The following PSMD2 variants were observed in gnomAD, a reference collection of about 807,000 sequenced individuals.
The protein encoded by PSMD2 is proteasome 26S subunit ubiquitin receptor, non-ATPase 2.
PSMD2 carries 8 observed loss-of-function variants against 101.5 expected under a neutral mutation model. The ratio of observed to expected loss-of-function variants is 0.08; its 90% CI spans 0.05 to 0.14. The LOEUF (loss-of-function observed/expected upper bound fraction) is 0.14, where lower values mean the gene tolerates loss of function less well. PSMD2 is among the 10% of genes least tolerant of loss of function. PSMD2 has a pLI of 1.00. For missense variants in PSMD2, 784 were observed against 1,147.4 expected (o/e 0.68, Z 4.58); for synonymous variants, 418 against 433.8 (o/e 0.96, Z 0.45).
rs1445231883 is a variant in PSMD2 at position 184,301,588 on chromosome 3, C to T, written c.409C>T (p.Arg137Cys). The T allele has an allele frequency of 3.1e-6, 5 of 1,613,878 alleles. No homozygotes were observed. Among genetic ancestry groups the T allele is most frequent in the Middle Eastern group, 1.6e-4 (1 of 6,070 alleles). The change falls in exon 4 of 21, where the codon CGT becomes TGT. Residue 137 changes from arginine (R) to cysteine (C), a missense_variant. By Grantham distance (180) the Arg-to-Cys change is radical (BLOSUM62 -3). This residue lies in a region of PSMD2 where 208 missense variants were observed against 301.6 expected (regional missense o/e 0.69). Transcript: ENST00000310118. The part of the protein sequence containing the change: ...SVLAMTMSGE[R>C]ECLKYRLVGS... ...TTTGGCCATGACCATGAGTGGGGAG[C>T]GTGAGTGCCTCAAGTATCGGCTAGT... is the stretch of plus-strand genomic sequence containing the variant.
chr3:184,301,725 G>C lies in PSMD2; in HGVS notation c.479+67G>C, dbSNP rs566713540. On this transcript the variant is annotated intron_variant, in intron 4 of 20. Transcript: ENST00000310118. Reference sequence around the variant, plus strand: ...CTCTGAGATAATTCAGAATTTTCTTGTGGAGTACAATCTGTCTTGGAGCAT... The same window carrying C: ...CTCTGAGATAATTCAGAATTTTCTTCTGGAGTACAATCTGTCTTGGAGCAT... 12 of 1,610,306 alleles carry C rather than the reference G, an allele frequency of 7.5e-6. No individual in the cohort carries two copies. The African/African-American group carries it at 1.5e-4, about 20-fold the overall frequency.
At position 184,307,901 on chromosome 3, in the gene PSMD2, T is replaced by C. The variant is rs149649964; in HGVS notation, c.2310T>C (p.His770=). 30 of 1,614,054 alleles carry C rather than the reference T, an allele frequency of 1.9e-5. No individual in the cohort carries two copies. In the Admixed American group the frequency reaches 3.3e-4, roughly 18 times the overall value. ...TCTGTTTTTTTCAGGGCCTGACACATTTAGGGAAGGGCACCCTTACCCTCT... is the reference window on the plus strand; with the variant it reads ...TCTGTTTTTTTCAGGGCCTGACACACTTAGGGAAGGGCACCCTTACCCTCT... ...FMVRLAQGLT[H]LGKGTLTLCP... Residue 770 remains histidine, a synonymous_variant, in exon 19 of 21, where the codon CAT becomes CAC. Transcript: ENST00000310118.
Position 184,299,372 on chromosome 3 carries a change from G to A in PSMD2, c.106G>A (p.Ala36Thr). The change falls in exon 1 of 21, where the codon GCC becomes ACC. Residue 36 changes from alanine (A) to threonine (T), a missense_variant. Around this residue, in one of 6 missense-constraint regions of PSMD2, gnomAD observed 196 missense variants for 182.4 expected, o/e 1.07. Transcript: ENST00000310118. ...EKPSGKERRD[A>T]GDKDKEQELS... The stretch of plus-strand genomic sequence containing the variant: ...GCCGAGCGGCAAGGAGCGGCGGGAT[G>A]CCGGGGACAAGGACAAAGAACAGGA... 1 of 1,403,346 alleles carries A rather than the reference G, an allele frequency of 7.1e-7. No individual in the cohort carries two copies. Among genetic ancestry groups the A allele is most frequent in the Non-Finnish European group, 9.2e-7 (1 of 1,081,950 alleles). The allele number at this position is 1,403,346 out of a possible 1,614,324, so 86.9% of individuals were successfully genotyped here. A position where few individuals can be genotyped will look rare whatever the true frequency, so the allele number is the denominator to read the frequency against.
In PSMD2 at chr3:184,302,538, G is replaced by A. The variant is rs552174959; in HGVS notation, c.863+10G>A. On this transcript the variant is annotated intron_variant, in intron 6 of 20. Transcript: ENST00000310118. ...CCTCCTGCAAGGATGTGTATGTAGG[G>A]AAGAAGCTGGCAAAGAGATAAGCTT... 5.0e-6 allele frequency: 8 copies of A among 1,613,634 alleles called. No individual in the cohort carries two copies. Among genetic ancestry groups the A allele is most frequent in the African/African-American group, 4.0e-5 (3 of 75,024 alleles).
chr3:184,302,505 C>A lies in PSMD2; in HGVS notation c.840C>A (p.Asp280Glu), dbSNP rs1006449808. The A allele has an allele frequency of 1.2e-6, 2 of 1,614,140 alleles. No individual in the cohort carries two copies. The highest frequency in any genetic ancestry group is 2.2e-5 in the South Asian group (2 of 91,078). The stretch of plus-strand genomic sequence containing the variant: ...TCAATGACATGGAGTTGGTAGAAGA[C>A]ATCTTCACCTCCTGCAAGGATGTGT... ...LMLNDMELVE[D>E]IFTSCKDVVV... Residue 280 changes from aspartate to glutamate, a missense_variant, in exon 6 of 21, where the codon GAC (aspartate) becomes GAA (glutamate). Asp to Glu is a conservative substitution (Grantham distance 45, BLOSUM62 2). This residue lies in a region of PSMD2 where 208 missense variants were observed against 301.6 expected (regional missense o/e 0.69). Coordinates refer to ENST00000310118, the MANE Select transcript of PSMD2 (RefSeq NM_002808.5).
rs1365674125 is a variant in PSMD2 at position 184,302,016 on chromosome 3, C to T, written c.649C>T (p.Leu217=). The T allele has an allele frequency of 6.2e-7, 1 of 1,614,206 alleles. No individual in the cohort carries two copies. ...TATGGAAATTGAGCAGGTGGACATG[C>T]TGGAGAAGGACATTGATGAAAATGC... The part of the protein sequence containing the change: ...LLMEIEQVDM[L]EKDIDENAYA... Residue 217 remains leucine, a synonymous_variant, in exon 5 of 21, where the codon CTG becomes TTG. Coordinates refer to ENST00000310118, the MANE Select transcript of PSMD2 (RefSeq NM_002808.5).
At chr3:184,306,911 G>A (rs1721851201) in intron 16 of PSMD2, 77 bp downstream of exon 16, 1 of 1,116,668 alleles carries the variant, frequency 9.0e-7, no homozygotes, top group Admixed American at 2.2e-5. Context: ...TTTTCTGATG[G>A]GTTTTCTTGG....
Position 184,302,768 on chromosome 3 carries a change from C to G in PSMD2, c.953C>G (p.Thr318Arg). ...SEDVEEYEDL[T>R]EIMSNVQLNS... is the part of the protein sequence containing the mutation. ...GATGTCGAGGAGTATGAGGACCTGA[C>G]AGAGATCATGTCCAATGTACAGCTC... is the stretch of plus-strand genomic sequence containing the variant. Residue 318 changes from threonine to arginine, a missense_variant, in exon 7 of 21, where the codon ACA becomes AGA. Physicochemically the swap from Thr to Arg is moderately conservative, Grantham distance 71 (BLOSUM62 -1). Around this residue, in one of 6 missense-constraint regions of PSMD2, gnomAD observed 208 missense variants for 301.6 expected, o/e 0.69. Coordinates refer to ENST00000310118, the MANE Select transcript of PSMD2 (RefSeq NM_002808.5). 6.2e-7 allele frequency: 1 copy of G among 1,614,164 alleles called. No homozygotes were observed. Among genetic ancestry groups the G allele is most frequent in the Non-Finnish European group, 8.5e-7 (1 of 1,180,036 alleles).
Position 184,303,680 on chromosome 3 carries a change from G to T in PSMD2, c.1254G>T (p.Leu418=). Residue 418 remains leucine (L), a synonymous_variant, in exon 10 of 21, where the codon CTG becomes CTT. Transcript: ENST00000310118. ...LSAAASLGMI[L]LWDVDGGLTQ... is the part of the protein sequence containing the mutation. ...CAGCTGCATCTCTTGGGATGATTCT[G>T]CTGTGGGATGTGGATGGTGGCCTCA... is the stretch of plus-strand genomic sequence containing the variant. 1 of 1,614,220 alleles carries T rather than the reference G, an allele frequency of 6.2e-7. No individual in the cohort carries two copies. The highest frequency in any genetic ancestry group is 8.5e-7 in the Non-Finnish European group (1 of 1,180,042).
intron 3 of PSMD2, 60 bp from the exon 4 acceptor site, chr3:184,301,477 T>C (rs1721640861): frequency 1.3e-6 from 2 of 1,595,064 alleles, no homozygotes; most frequent in Middle Eastern, 2.2e-4. Flanking sequence ...GATTCCACAA[T>C]GCATGCTCCC....
rs1266752122 is a variant in PSMD2 at position 184,307,431 on chromosome 3, A to T, written c.2109A>T (p.Arg703=). 1.2e-6 allele frequency: 2 copies of T among 1,613,958 alleles called. No homozygotes were observed. Among genetic ancestry groups the T allele is most frequent in the Non-Finnish European group, 1.7e-6 (2 of 1,180,002 alleles). ...ALALISVSNP[R]LNILDTLSKF... ...CCCTCATCTCTGTTTCAAATCCACG[A>T]CTCAACATCCTGGATACCCTAAGCA... is the stretch of plus-strand genomic sequence containing the variant. The change falls in exon 17 of 21, where the codon CGA becomes CGT. Residue 703 remains arginine (R), a synonymous_variant. Transcript: ENST00000310118.
chr3:184,300,262 C>T lies in PSMD2; in HGVS notation c.193-18C>T, dbSNP rs1560193237. 1 of 1,603,966 alleles carries T rather than the reference C, an allele frequency of 6.2e-7. No individual in the cohort carries two copies. Among genetic ancestry groups the T allele is most frequent in the Non-Finnish European group, 8.5e-7 (1 of 1,175,206 alleles). ...GGTGTGACTCCTTTTTGTCTGAGCC[C>T]TGTCGTCTCTTGATCAGGAGAAGGA... On this transcript the variant is annotated intron_variant, in intron 2 of 20. Coordinates refer to ENST00000310118, the MANE Select transcript of PSMD2 (RefSeq NM_002808.5).
Position 184,308,621 on chromosome 3 carries a change from G to A in PSMD2, c.2544+54G>A. ...AGGCTGTATTCTCAAACTGGAGAAT[G>A]TACATATACTTGCTTTGCTGAAACT... On this transcript the variant is annotated intron_variant, in intron 20 of 20. Coordinates refer to ENST00000310118, the MANE Select transcript of PSMD2 (RefSeq NM_002808.5). The surrounding 1 kb of genome is among the most constrained non-coding windows in gnomAD (Gnocchi z 6.0). 1 of 1,585,060 alleles carries A rather than the reference G, an allele frequency of 6.3e-7. No individual in the cohort carries two copies. Among genetic ancestry groups the A allele is most frequent in the Middle Eastern group, 1.7e-4 (1 of 5,976 alleles).
intron 4 of PSMD2, 44 bp downstream of exon 4, chr3:184,301,702 C>G: frequency 6.2e-7 from 1 of 1,612,342 alleles, no homozygotes; most frequent in Non-Finnish European, 8.5e-7. Flanking sequence ...CTCTGAGGCT[C>G]TGAGATAATT....
In PSMD2 at chr3:184,307,654, A is replaced by G. The variant is rs535285332; in HGVS notation, c.2244A>G (p.Leu748=). ...GTCTGGCTGCAATGCTGCGCCAGTT[A>G]GCTCAATATCATGCCAAGGACCCAA... ...NARLAAMLRQ[L]AQYHAKDPNN... Residue 748 remains leucine, a synonymous_variant, in exon 18 of 21, where the codon TTA becomes TTG. Coordinates refer to ENST00000310118, the MANE Select transcript of PSMD2 (RefSeq NM_002808.5). The G allele has an allele frequency of 7.4e-6, 12 of 1,614,186 alleles. No individual in the cohort carries two copies. The African/African-American group carries it at 1.1e-4, about 14-fold the overall frequency.
intron 4 of PSMD2, 32 bp downstream of exon 4, chr3:184,301,690 G>T: frequency 6.2e-7 from 1 of 1,612,822 alleles, no homozygotes; most frequent in South Asian, 1.1e-5. Flanking sequence ...ATCCGAAGGG[G>T]GCTCTGAGGC....
Position 184,299,263 on chromosome 3 carries a change from G to A in PSMD2, c.-4G>A, listed in dbSNP as rs1721562776. ...CGCGCAGCGGGCCGGCAGTGGCGGCGGAGATGGAGGAGGGAGGCCGGGACA... is the reference window on the plus strand; with the variant it reads ...CGCGCAGCGGGCCGGCAGTGGCGGCAGAGATGGAGGAGGGAGGCCGGGACA... On this transcript the variant is annotated 5_prime_UTR_variant, in exon 1 of 21. Transcript: ENST00000310118. The A allele has an allele frequency of 5.2e-6, 7 of 1,339,406 alleles. No individual in the cohort carries two copies. The highest frequency in any genetic ancestry group is 3.1e-5 in the East Asian group (1 of 32,354). The allele number at this position is 1,339,406 out of a possible 1,614,324, so 83.0% of individuals were successfully genotyped here. A position where few individuals can be genotyped will look rare whatever the true frequency, so the allele number is the denominator to read the frequency against.
chr3:184,300,597 A>G, intron 3 of PSMD2, 153 bp downstream of exon 3: 1 of 1,420,770 alleles, frequency 7.0e-7, no homozygotes, highest in Non-Finnish European at 9.2e-7. Flanking sequence ...TCTACAGAAG[A>G]GCTGAAAGGA....
rs1721899892 is a variant in PSMD2, at chr3:184,308,251, G to A, written c.2426-198G>A. Among the ~76,000 whole-genome samples, 1 of 152,198 alleles carries A rather than the reference G, an allele frequency of 6.6e-6. No individual in the cohort carries two copies. Among genetic ancestry groups the A allele is most frequent in the South Asian group, 2.1e-4 (1 of 4,828 alleles). ...TCTGCTCCTAAGTCACTGGGGAAATGCGATTTTCAAGTCTAAGGGCTGTAA... is the reference window on the plus strand; with the variant it reads ...TCTGCTCCTAAGTCACTGGGGAAATACGATTTTCAAGTCTAAGGGCTGTAA... On this transcript the variant is annotated intron_variant, in intron 19 of 20. Coordinates refer to ENST00000310118, the MANE Select transcript of PSMD2 (RefSeq NM_002808.5). This position sits in a 1 kb window ranked among gnomAD's most constrained non-coding sequence, Gnocchi z 6.0.
Sources: allele counts gnomAD v4.1 joint callset (sites outside exome capture counted in the v4.1 genomes callset), GRCh38; gene constraint gnomAD v4.1.1; regional missense constraint gnomAD v4.1.1; non-coding constraint Gnocchi (gnomAD v3.1); transcripts MANE v1.5; gene names NCBI Gene and HGNC (gene_info 2026-07-23, HGNC 2026-07-21).